The following CNIH4 variants were observed in gnomAD, a reference collection of about 807,000 sequenced individuals.
CNIH4 encodes cornichon family member 4, also known as protein cornichon homolog 4.
CNIH4 carries 9 observed loss-of-function variants against 21.5 expected under a neutral mutation model. That is an observed-to-expected ratio of 0.42 (90% confidence interval 0.25 to 0.73). The LOEUF is 0.73. Among genes scored for constraint, CNIH4 ranks in the 30% least tolerant of loss-of-function variants. The pLI is 0.27. For synonymous variants in CNIH4, 67 were observed against 59.1 expected, an observed-to-expected ratio of 1.13 and a Z score of -0.61; for missense variants, 159 against 170.0, an observed-to-expected ratio of 0.94 and a Z score of 0.36.
intron 1 of CNIH4, among the ~76,000 whole-genome samples, chr1:224,360,073 T>C (rs923503350): frequency 2.6e-5 from 4 of 151,980 alleles, no homozygotes; most frequent in African/African-American, 9.7e-5. Context: ...GAGGCAGGGG[T>C]AGCAGTGCGT....
chr1:224,379,011 C>A lies in CNIH4; in HGVS notation c.*3189C>A, dbSNP rs1481999167. The stretch of plus-strand genomic sequence containing the variant: ...GGTCCATAGACTACTATCGAGTGCT[C>A]CTATGTGCATCTTAGTACGTATCAT... On this transcript the variant is annotated 3_prime_UTR_variant, in exon 5 of 5. Transcript: ENST00000465271. 4 of 1,523,150 alleles carry A rather than the reference C, an allele frequency of 2.6e-6. No homozygotes were observed. Among genetic ancestry groups the A allele is most frequent in the Non-Finnish European group, 3.6e-6 (4 of 1,122,086 alleles). 94.4% of individuals were successfully genotyped at this position (1,523,150 alleles called of 1,614,324 possible).
At chr1:224,367,327 A>G (rs757610540) in intron 3 of CNIH4, among the ~76,000 whole-genome samples, 3 of 152,174 alleles carry the variant, frequency 2.0e-5, no homozygotes, top group Admixed American at 6.6e-5. Context: ...TGGGATGCAC[A>G]TGAAAAGATA....
In CNIH4 at chr1:224,360,506, G is replaced by A. The variant is rs113066197; in HGVS notation, c.81G>A (p.Leu27=). The A allele has an allele frequency of 1.1e-3, 1,530 of 1,410,122 alleles. 16 individuals carry two copies. The African/African-American group carries it at 0.02, about 19-fold the overall frequency. 87.4% of individuals were successfully genotyped at this position (1,410,122 alleles called of 1,614,324 possible). Residue 27 remains leucine (L), a synonymous_variant, in exon 2 of 5, where the codon TTG becomes TTA. Coordinates refer to ENST00000465271, the MANE Select transcript of CNIH4 (RefSeq NM_014184.4). ...IFLSVYFIIT[L]SDLECDYINA... ...ATCTTGATCATCAGATAATTACATT[G>A]TCTGATTTAGAATGTGATTACATTA...
rs1672773615 is a variant in CNIH4 at position 224,376,066 on chromosome 1, G to C, written c.*244G>C. 1.7e-6 allele frequency: 2 copies of C among 1,209,028 alleles called. No individual in the cohort carries two copies. The highest frequency in any genetic ancestry group is 3.1e-5 in the African/African-American group (2 of 64,268). The allele number at this position is 1,209,028 out of a possible 1,614,324, so 74.9% of individuals were successfully genotyped here. A position where few individuals can be genotyped will look rare whatever the true frequency, so the allele number is the denominator to read the frequency against. On this transcript the variant is annotated 3_prime_UTR_variant, in exon 5 of 5. Transcript: ENST00000465271. The stretch of plus-strand genomic sequence containing the variant: ...CACTTGAAGGTGTTTTTCATCCTCT[G>C]TATGTTGAAGGTGGTTATTTGTATG...
intron 2 of CNIH4, 75 bp downstream of exon 2, chr1:224,360,638 A>T (rs1442676289): frequency 1.4e-6 from 1 of 716,096 alleles, no homozygotes; most frequent in African/African-American, 1.8e-5. Flanking sequence ...TATAGATAAC[A>T]GATGTATTTT....
intron 3 of CNIH4, among the ~76,000 whole-genome samples, chr1:224,369,857 G>A (rs1473376910): frequency 6.6e-6 from 1 of 151,850 alleles, no homozygotes; most frequent in Admixed American, 6.6e-5. Context: ...TGTATTTTTA[G>A]TAGCAATGGG....
Position 224,365,830 on chromosome 1 carries a change from T to A in CNIH4, c.139-49T>A, listed in dbSNP as rs1274230019. 8 of 1,062,492 alleles carry A rather than the reference T, an allele frequency of 7.5e-6. No individual in the cohort carries two copies. In the South Asian group the frequency reaches 1.0e-4, roughly 13 times the overall value. The allele number at this position is 1,062,492 out of a possible 1,614,324, so 65.8% of individuals were successfully genotyped here. ...ATTTAGTTTCAAATAACATGTACAG[T>A]CAGGAAGGACATAGCAGTGAGATGT... On this transcript the variant is annotated intron_variant, in intron 2 of 4. Transcript: ENST00000465271.
In CNIH4 at chr1:224,378,383, G is replaced by C. The variant is rs1672836755; in HGVS notation, c.*2561G>C. The C allele has an allele frequency of 6.6e-6, 1 of 152,218 alleles. No homozygotes were observed. Among genetic ancestry groups the C allele is most frequent in the Admixed American group, 6.5e-5 (1 of 15,272 alleles). The allele number at this position is 152,218 out of a possible 1,614,324, so 9.4% of individuals were successfully genotyped here. Reference sequence around the variant, plus strand: ...TTTTAGGGGCACTTCTACAAATCATGAAAGGGGGATAAAAGCACTGACTTT... The same window carrying C: ...TTTTAGGGGCACTTCTACAAATCATCAAAGGGGGATAAAAGCACTGACTTT... On this transcript the variant is annotated 3_prime_UTR_variant, in exon 5 of 5. Transcript: ENST00000465271.
At chr1:224,360,378 A>G in intron 1 of CNIH4, 117 bp from the exon 2 acceptor site, 1 of 512,516 alleles carries the variant, frequency 2.0e-6, no homozygotes, top group Non-Finnish European at 3.4e-6. Context: ...ACTTTAGGAA[A>G]CAACTCATTT....
intron 3 of CNIH4, among the ~76,000 whole-genome samples, chr1:224,366,923 A>C (rs1189964264): frequency 1.3e-5 from 2 of 151,764 alleles, no homozygotes; most frequent in African/African-American, 4.8e-5. Context: ...AGGTCACGCC[A>C]CTGCAACCAG....
Position 224,379,131 on chromosome 1 carries a change from C to G in CNIH4, c.*3309C>G. On this transcript the variant is annotated 3_prime_UTR_variant, in exon 5 of 5. Coordinates refer to ENST00000465271, the MANE Select transcript of CNIH4 (RefSeq NM_014184.4). ...CTGAGAAAGAAGAGGAAGCGAAATC[C>G]AAGATGCAGCTCAGTTCATCAAAGC... 6.5e-7 allele frequency: 1 copy of G among 1,548,798 alleles called. No homozygotes were observed. Among genetic ancestry groups the G allele is most frequent in the East Asian group, 2.4e-5 (1 of 40,914 alleles).
chr1:224,362,331 C>G (rs530007781), intron 2 of CNIH4, among the ~76,000 whole-genome samples: 53 of 151,566 alleles, frequency 3.5e-4, no homozygotes, highest in African/African-American at 1.1e-3. Flanking sequence ...ATCTGCCCGC[C>G]TCAGCCTCCC....
chr1:224,370,405 G>A (rs1484134418), intron 3 of CNIH4, among the ~76,000 whole-genome samples: 1 of 152,200 alleles, frequency 6.6e-6, no homozygotes, highest in Non-Finnish European at 1.5e-5. Context: ...TTGAGAAGCT[G>A]TGTGACAACT....
chr1:224,363,747 A>T (rs1382711606), intron 2 of CNIH4, among the ~76,000 whole-genome samples: 1 of 152,044 alleles, frequency 6.6e-6, no homozygotes, highest in East Asian at 1.9e-4. Context: ...CAAATTTCTG[A>T]TATATGACTG....
intron 4 of CNIH4, among the ~76,000 whole-genome samples, chr1:224,373,700 C>T (rs1297103255): frequency 6.6e-6 from 1 of 151,802 alleles, no homozygotes; most frequent in Non-Finnish European, 1.5e-5. Flanking sequence ...TGGTGGCGGG[C>T]GCCTGTAATC....
chr1:224,371,571 T>G (rs879099465), intron 4 of CNIH4, 148 bp downstream of exon 4: 1 of 761,198 alleles, frequency 1.3e-6, no homozygotes, highest in South Asian at 1.8e-5. Flanking sequence ...TTTATGTATG[T>G]CATTGAATCA....
At chr1:224,373,701 G>T (rs1460079579) in intron 4 of CNIH4, among the ~76,000 whole-genome samples, 1 of 152,048 alleles carries the variant, frequency 6.6e-6, no homozygotes, top group African/African-American at 2.4e-5. Flanking sequence ...GGTGGCGGGC[G>T]CCTGTAATCC....
intron 2 of CNIH4, among the ~76,000 whole-genome samples, chr1:224,363,894 G>A (rs1455404112): frequency 6.6e-6 from 1 of 152,130 alleles, no homozygotes; most frequent in African/African-American, 2.4e-5. Flanking sequence ...TGAAATGGCG[G>A]TGTTTTGGTA....
At chr1:224,374,035 T>C (rs1672711640) in intron 4 of CNIH4, among the ~76,000 whole-genome samples, 1 of 152,232 alleles carries the variant, frequency 6.6e-6, no homozygotes, top group Non-Finnish European at 1.5e-5. Flanking sequence ...AGCCTGTCAT[T>C]TTCAGCCACA....
Sources: gnomAD v4.1 joint callset for allele counts (sites outside exome capture counted in the v4.1 genomes callset) on GRCh38, gnomAD v4.1.1 for gene constraint, MANE v1.5 for transcripts, NCBI Gene and HGNC (gene_info 2026-07-23, HGNC 2026-07-21) for gene names.